Variants in CACNA1C observed in about 807,000 individuals in gnomAD.
CACNA1C encodes voltage-dependent L-type calcium channel subunit alpha-1C.
Under a neutral mutation model 229.0 loss-of-function variants are expected in CACNA1C, and 30 were observed. The ratio of observed to expected loss-of-function variants is 0.13; its 90% CI spans 0.10 to 0.18. The LOEUF (loss-of-function observed/expected upper bound fraction) is 0.18. CACNA1C is among the 10% of genes least tolerant of loss of function. The pLI is 1.00. For missense variants in CACNA1C, 1,658 were observed against 2,845.0 expected (o/e 0.58, Z 9.49); for synonymous variants, 1,114 against 1,132.5 (o/e 0.98, Z 0.33).
At chr12:2,227,982 C>G (rs2063522606) in intron 3 of CACNA1C, among the ~76,000 whole-genome samples, 1 of 152,192 alleles carries the variant, frequency 6.6e-6, no homozygotes, top group Non-Finnish European at 1.5e-5. Context: ...GCAGTCTCTT[C>G]CCAGGTGCCT....
At chr12:2,070,559 G>A (rs1462216582) in intron 1 of CACNA1C, among the ~76,000 whole-genome samples, 1 of 152,166 alleles carries the variant, frequency 6.6e-6, no homozygotes, top group Non-Finnish European at 1.5e-5. Flanking sequence ...ACAGGATTCT[G>A]TGTTAGCAGT....
rs1171670082 is a variant in CACNA1C, at chr12:2,053,091, C to G, written c.-472C>G. Reference sequence around the variant, plus strand: ...CGGCGGCTCTTCCTGCCTCCGCGCCCAGGAGTTGCCGGCTCCCTTTGACAG... The same window carrying G: ...CGGCGGCTCTTCCTGCCTCCGCGCCGAGGAGTTGCCGGCTCCCTTTGACAG... On this transcript the variant is annotated 5_prime_UTR_variant, in exon 1 of 47. Transcript: ENST00000399655. The surrounding 1 kb of genome is among the most constrained non-coding windows in gnomAD (Gnocchi z 5.8). 2 of 984,598 alleles carry G rather than the reference C, an allele frequency of 2.0e-6. No individual in the cohort carries two copies. Among genetic ancestry groups the G allele is most frequent in the Non-Finnish European group, 1.2e-6 (1 of 829,488 alleles). 61.0% of individuals were successfully genotyped at this position (984,598 alleles called of 1,614,324 possible).
chr12:2,584,680 C>A, intron 16 of CACNA1C, 63 bp downstream of exon 16: 1 of 1,111,526 alleles, frequency 9.0e-7, no homozygotes, highest in Non-Finnish European at 1.3e-6. Flanking sequence ...TGTCTTCCCA[C>A]TGGTGGCAGA....
chr12:2,638,995 G>A (rs2093280705), intron 30 of CACNA1C, among the ~76,000 whole-genome samples: 1 of 152,232 alleles, frequency 6.6e-6, no homozygotes, highest in Non-Finnish European at 1.5e-5. Context: ...GAGCGGAGAG[G>A]CCTGGGCCAG....
chr12:2,400,368 G>T (rs549683308), intron 3 of CACNA1C, among the ~76,000 whole-genome samples: 1 of 152,124 alleles, frequency 6.6e-6, no homozygotes, highest in South Asian at 2.1e-4. Context: ...TGGTGCCTAC[G>T]GGGCAGGGGC....
intron 6 of CACNA1C, among the ~76,000 whole-genome samples, chr12:2,487,299 G>A (rs567230872): frequency 9.9e-5 from 15 of 151,676 alleles, no homozygotes; most frequent in African/African-American, 2.9e-4. Flanking sequence ...TTTCTCCATC[G>A]ACACTGCACC....
chr12:2,320,715 G>C (rs2095941306), intron 3 of CACNA1C, among the ~76,000 whole-genome samples: 1 of 152,184 alleles, frequency 6.6e-6, no homozygotes, highest in Non-Finnish European at 1.5e-5. Flanking sequence ...CCCTTTCTCT[G>C]TGACCCATCC....
At chr12:2,156,735 T>A (rs890335377) in intron 3 of CACNA1C, among the ~76,000 whole-genome samples, 9 of 152,208 alleles carry the variant, frequency 5.9e-5, no homozygotes, top group African/African-American at 2.2e-4. Flanking sequence ...ACCCGTGAAT[T>A]CCACAAGCTA....
intron 3 of CACNA1C, among the ~76,000 whole-genome samples, chr12:2,446,199 G>GTGGGTGGATGGA (rs1297811979): frequency 0.02 from 2,679 of 136,916 alleles, 27 homozygotes; most frequent in South Asian, 0.042. Context: ...AGGTGGGTGG[G>GTGGGTGGATGGA]TGGATGGATG....
In CACNA1C at chr12:2,406,137, T is replaced by C. The variant is rs142048142; in HGVS notation, c.478-42839T>C. ...GAGAAATATGCTGTCATTTGAATTA[T>C]TTTCCCCCCTGGGCAAGGTGACATT... On this transcript the variant is annotated intron_variant, in intron 3 of 46. Transcript: ENST00000399655. Among the ~76,000 whole-genome samples, 431 of 152,326 alleles carry C rather than the reference T, an allele frequency of 2.8e-3. 3 individuals are homozygous for C. Among genetic ancestry groups the C allele is most frequent in the African/African-American group, 9.8e-3 (408 of 41,570 alleles).
chr12:2,474,173 C>G (rs2099608398), intron 5 of CACNA1C, among the ~76,000 whole-genome samples: 2 of 152,166 alleles, frequency 1.3e-5, no homozygotes, highest in South Asian at 4.1e-4. Flanking sequence ...CAAAAGTATA[C>G]CTTTTTTACA....
In CACNA1C at chr12:2,135,252, G is replaced by A. The variant is rs533696235; in HGVS notation, c.477+14822G>A. Among the ~76,000 whole-genome samples the A allele has an allele frequency of 6.7e-3, 918 of 137,434 alleles. 11 individuals carry two copies. The highest frequency in any genetic ancestry group is 0.025 in the African/African-American group (824 of 32,650). 90.2% of individuals were successfully genotyped at this position (137,434 alleles called of 152,430 possible). A position where few individuals can be genotyped will look rare whatever the true frequency, so the allele number is the denominator to read the frequency against. On this transcript the variant is annotated intron_variant, in intron 3 of 46. Transcript: ENST00000399655. ...TTCAACTTCTTTGCCTTTGGTTTGA[G>A]TGTCCTCCCGTAGCTCAGAGTAATT... is the stretch of plus-strand genomic sequence containing the variant.
At chr12:2,099,450 C>T (rs1378744390) in intron 1 of CACNA1C, among the ~76,000 whole-genome samples, 1 of 151,952 alleles carries the variant, frequency 6.6e-6, no homozygotes, top group Non-Finnish European at 1.5e-5. Context: ...CCTCTGTTTG[C>T]CTGCAGTGCT....
At chr12:2,393,673 G>A (rs1362604143) in intron 3 of CACNA1C, among the ~76,000 whole-genome samples, 1 of 152,248 alleles carries the variant, frequency 6.6e-6, no homozygotes, top group African/African-American at 2.4e-5. Flanking sequence ...AGGTTCTGTA[G>A]ATGCTGCTTC....
chr12:2,175,218 T>G (rs2096612245), intron 3 of CACNA1C, among the ~76,000 whole-genome samples: 1 of 152,194 alleles, frequency 6.6e-6, no homozygotes, highest in Non-Finnish European at 1.5e-5. Flanking sequence ...TTTCCCTTAT[T>G]ATGTCGAAAT....
chr12:2,253,037 C>T (rs1176900101), intron 3 of CACNA1C, among the ~76,000 whole-genome samples: 1 of 152,184 alleles, frequency 6.6e-6, no homozygotes, highest in Non-Finnish European at 1.5e-5. Context: ...AGGAACACAT[C>T]CCACTTTTCC....
In CACNA1C at chr12:2,585,620, C is replaced by T; in HGVS notation, c.2460+124C>T. 3 of 1,218,298 alleles carry T rather than the reference C, an allele frequency of 2.5e-6. No homozygotes were observed. Among genetic ancestry groups the T allele is most frequent in the Non-Finnish European group, 3.4e-6 (3 of 882,340 alleles). 75.5% of individuals were successfully genotyped at this position (1,218,298 alleles called of 1,614,324 possible). ...GAAAGACACCCAGTGGAAAGAAAGC[C>T]AGTGGGGATGAACAGGAGAGCTGGG... On this transcript the variant is annotated intron_variant, in intron 17 of 46. Transcript: ENST00000399655. This position sits in a 1 kb window ranked among gnomAD's most constrained non-coding sequence, Gnocchi z 4.1.
At chr12:2,051,059 A>G (rs1221459023), upstream of CACNA1C, among the ~76,000 whole-genome samples, 1 of 152,210 alleles carries the variant, frequency 6.6e-6, no homozygotes, top group Non-Finnish European at 1.5e-5. Flanking sequence ...AGTAAACTAT[A>G]TAGTATGTTA....
intron 3 of CACNA1C, among the ~76,000 whole-genome samples, chr12:2,208,635 T>C (rs1453531198): frequency 6.6e-6 from 1 of 152,178 alleles, no homozygotes; most frequent in Non-Finnish European, 1.5e-5. Flanking sequence ...GGCACTGATA[T>C]TTACCAACCC....
Sources: gnomAD v4.1 joint callset for allele counts (sites outside exome capture counted in the v4.1 genomes callset) on GRCh38, gnomAD v4.1.1 for gene constraint, Gnocchi (gnomAD v3.1) non-coding constraint, MANE v1.5 for transcripts, NCBI Gene and HGNC (gene_info 2026-07-23, HGNC 2026-07-21) for gene names.